Variants in IKBKB observed in about 807,000 individuals in gnomAD.
The protein encoded by IKBKB is inhibitor of nuclear factor kappa B kinase subunit beta.
IKBKB carries 42 observed loss-of-function variants against 113.6 expected under a neutral mutation model. That is an observed-to-expected ratio of 0.37 (90% CI 0.29 to 0.48). The LOEUF is 0.48. Among genes scored for constraint, IKBKB ranks in the 20% least tolerant of loss-of-function variants. The probability of loss-of-function intolerance (pLI) is 0.99; values close to 1 mark genes in which losing one functional copy is unlikely to be tolerated. For synonymous variants in IKBKB, 296 were observed against 361.3 expected, an observed-to-expected ratio of 0.82 and a Z score of 2.05; for missense variants, 673 against 939.7, an observed-to-expected ratio of 0.72 and a Z score of 3.71.
chr8:42,292,910 G>A (rs1391490362), intron 4 of IKBKB, among the ~76,000 whole-genome samples: 1 of 152,208 alleles, frequency 6.6e-6, no homozygotes, highest in East Asian at 1.9e-4. Context: ...GTGGTGGTTA[G>A]TATTAAATGA....
rs1010026105 is a variant in IKBKB at position 42,274,460 on chromosome 8, C to G, written c.105+2255C>G. On this transcript the variant is annotated intron_variant, in intron 2 of 21. Coordinates refer to ENST00000520810, the MANE Select transcript of IKBKB (RefSeq NM_001556.3). ...CCCTATTTCCCTCCACAACTCCCCC[C>G]ACCCCCACCACCCTTTCCTGCCTCT... Among the ~76,000 whole-genome samples the G allele has an allele frequency of 1.3e-5, 2 of 151,942 alleles. 1 individual carries two copies. The highest frequency in any genetic ancestry group is 4.2e-4 in the South Asian group (2 of 4,802).
At chr8:42,309,462 C>T (rs1475483446) in intron 8 of IKBKB, 12 of 403,010 alleles carry the variant, frequency 3.0e-5, no homozygotes, top group East Asian at 2.3e-4. Context: ...GTTTTTAAAG[C>T]GTAAGAATGT....
intron 21 of IKBKB, 31 bp from the exon 22 acceptor site, chr8:42,330,880 CTGT>C (rs759937911): frequency 6.2e-7 from 1 of 1,614,080 alleles, no homozygotes. Context: ...GTGTTGGTGG[CTGT>C]TGTTTTTTTA....
At chr8:42,276,899 C>G (rs536170147) in intron 2 of IKBKB, among the ~76,000 whole-genome samples, 1 of 137,716 alleles carries the variant, frequency 7.3e-6, no homozygotes, top group Admixed American at 7.5e-5. Context: ...CGGGGTCTCG[C>G]TCTGTCGCCC....
intron 2 of IKBKB, among the ~76,000 whole-genome samples, chr8:42,287,422 A>T (rs1223713839): frequency 1.3e-5 from 2 of 152,274 alleles, no homozygotes; most frequent in African/African-American, 4.8e-5. Flanking sequence ...TACCTGTTAC[A>T]GGAGTATAGC....
rs200888619 is a variant in IKBKB, at chr8:42,306,384, G to A, written c.519G>A (p.Leu173=). ...TTGACCTAGGATATGCCAAGGAGCT[G>A]GATCAGGGCAGTCTTTGCACATCAT... ...KIIDLGYAKE[L]DQGSLCTSFV... Residue 173 remains leucine, a synonymous_variant, in exon 7 of 22, where the codon CTG becomes CTA. Coordinates refer to ENST00000520810, the MANE Select transcript of IKBKB (RefSeq NM_001556.3). 1 of 1,613,454 alleles carries A rather than the reference G, an allele frequency of 6.2e-7. No individual in the cohort carries two copies. Among genetic ancestry groups the A allele is most frequent in the African/African-American group, 1.3e-5 (1 of 74,906 alleles).
intron 2 of IKBKB, among the ~76,000 whole-genome samples, chr8:42,277,742 T>C (rs986983809): frequency 6.6e-6 from 1 of 152,216 alleles, no homozygotes; most frequent in African/African-American, 2.4e-5. Flanking sequence ...TCCTCTGGGC[T>C]GGTTCCTGTG....
At chr8:42,295,283 T>A (rs1201781226) in intron 5 of IKBKB, among the ~76,000 whole-genome samples, 4 of 152,112 alleles carry the variant, frequency 2.6e-5, no homozygotes, top group Admixed American at 6.5e-5. Context: ...CACACCTGGC[T>A]AATTGTTGTA....
rs771764280 is a variant in IKBKB, at chr8:42,290,170, A to G, written c.215A>G (p.Asn72Ser). The change falls in exon 4 of 22, where the codon AAT (asparagine) becomes AGT (serine). Residue 72 changes from asparagine (N) to serine (S), a missense_variant. This residue lies in a region of IKBKB where 167 missense variants were observed against 301.0 expected (regional missense o/e 0.55). Transcript: ENST00000520810. ...IQIMRRLTHP[N>S]VVAARDVPEG... ...CCTCCTCCTAGGCTGACCCACCCCA[A>G]TGTGGTGGCTGCCCGAGATGTCCCT... The G allele has an allele frequency of 1.2e-6, 2 of 1,613,354 alleles. No individual in the cohort carries two copies. The highest frequency in any genetic ancestry group is 2.2e-5 in the East Asian group (1 of 44,868).
At chr8:42,280,204 A>C (rs1239622492) in intron 2 of IKBKB, among the ~76,000 whole-genome samples, 1 of 151,834 alleles carries the variant, frequency 6.6e-6, no homozygotes, top group Non-Finnish European at 1.5e-5. Context: ...TAGACAGAGA[A>C]CCCCACATTG....
chr8:42,302,379 C>G (rs1815402330), intron 5 of IKBKB, among the ~76,000 whole-genome samples: 1 of 152,178 alleles, frequency 6.6e-6, no homozygotes, highest in African/African-American at 2.4e-5. Context: ...AGCTGATCTA[C>G]TCTGTCACTT....
chr8:42,304,861 G>A (rs575727189), intron 5 of IKBKB, among the ~76,000 whole-genome samples: 438 of 152,358 alleles, frequency 2.9e-3, no homozygotes, highest in African/African-American at 9.9e-3. Flanking sequence ...CTTGAATCCA[G>A]AGGTCTCAGG....
intron 8 of IKBKB, among the ~76,000 whole-genome samples, chr8:42,311,587 A>G (rs902152157): frequency 2.6e-5 from 4 of 151,560 alleles, no homozygotes; most frequent in Non-Finnish European, 4.4e-5. Context: ...AAGAAAAAAG[A>G]AAAGAAAAAA....
chr8:42,311,944 T>C (rs1409709034), intron 8 of IKBKB, among the ~76,000 whole-genome samples: 1 of 152,216 alleles, frequency 6.6e-6, no homozygotes, highest in Non-Finnish European at 1.5e-5. Context: ...TGGAGTGTAG[T>C]GGCGCGATCG....
chr8:42,303,753 C>T (rs1393019256), intron 5 of IKBKB, among the ~76,000 whole-genome samples: 5 of 152,206 alleles, frequency 3.3e-5, no homozygotes, highest in Non-Finnish European at 2.9e-5. Flanking sequence ...GTGATTCGCC[C>T]ACGTTGGCCT....
At chr8:42,306,313 C>A (rs1259991249) in intron 6 of IKBKB, 30 bp from the exon 7 acceptor site, 2 of 1,344,314 alleles carry the variant, frequency 1.5e-6, no homozygotes, top group Admixed American at 1.7e-5. Context: ...GTTCTTATAA[C>A]CCTCAGCTTT....
intron 3 of IKBKB, 27 bp downstream of exon 3, chr8:42,288,755 A>G: frequency 1.9e-6 from 3 of 1,564,270 alleles, no homozygotes; most frequent in Non-Finnish European, 2.6e-6. Context: ...TAGGGACCCA[A>G]GGGAAAGCTG....
At chr8:42,283,979 G>A (rs564632404) in intron 2 of IKBKB, among the ~76,000 whole-genome samples, 2 of 152,154 alleles carry the variant, frequency 1.3e-5, no homozygotes, top group Admixed American at 6.5e-5. Context: ...GCTGCAGCGG[G>A]GCCATCGGTC....
In IKBKB at chr8:42,329,671, C is replaced by T. The variant is rs763516417; in HGVS notation, c.2205+457C>T. 1,030 of 985,260 alleles carry T rather than the reference C, an allele frequency of 1.0e-3. 1 individual carries two copies. Among genetic ancestry groups the T allele is most frequent in the Non-Finnish European group, 1.2e-3 (1,011 of 829,900 alleles). The allele number at this position is 985,260 out of a possible 1,614,324, so 61.0% of individuals were successfully genotyped here. On this transcript the variant is annotated intron_variant, in intron 21 of 21. Transcript: ENST00000520810. The stretch of plus-strand genomic sequence containing the variant: ...ATTGTTCCCAGAAGCCTGTCCCCAC[C>T]TGCACCATTGGTACTACTGCTGAGT...
Sources: allele counts gnomAD v4.1 joint callset (sites outside exome capture counted in the v4.1 genomes callset), GRCh38; gene constraint gnomAD v4.1.1; regional missense constraint gnomAD v4.1.1; transcripts MANE v1.5; gene names NCBI Gene and HGNC (gene_info 2026-07-23, HGNC 2026-07-21).